The following SMARCA2 variants were observed in gnomAD, a reference collection of about 807,000 sequenced individuals.
SMARCA2 encodes the protein SWI/SNF related BAF chromatin remodeling complex subunit ATPase 2, also known as SWI/SNF-related matrix-associated actin-dependent regulator of chromatin subfamily A member 2.
Under a neutral mutation model 199.8 loss-of-function variants are expected in SMARCA2, and 61 were observed. The ratio of observed to expected loss-of-function variants is 0.31; its 90% CI spans 0.25 to 0.38. The LOEUF is 0.38. Ranked by LOEUF, SMARCA2 falls within the 10% of genes least tolerant of loss-of-function variation. The pLI is 1.00. For synonymous variants in SMARCA2, 935 were observed against 732.0 expected (o/e 1.28, Z -4.48); for missense variants, 1,344 against 2,012.2 (o/e 0.67, Z 6.35).
Position 2,110,459 on chromosome 9 carries a change from A to T in SMARCA2, c.3456+42A>T. ...CAGGTGCCCAGGCCTCCCTCTGGAG[A>T]GCAACTAAAAGATGATCAGTTTCAT... On this transcript the variant is annotated intron_variant, in intron 24 of 33. Transcript: ENST00000349721. This position sits in a 1 kb window ranked among gnomAD's most constrained non-coding sequence, Gnocchi z 4.8. The T allele has an allele frequency of 6.8e-7, 1 of 1,461,398 alleles. No homozygotes were observed. The highest frequency in any genetic ancestry group is 1.3e-5 in the South Asian group (1 of 74,848). The allele number at this position is 1,461,398 out of a possible 1,614,324, so 90.5% of individuals were successfully genotyped here. A position where few individuals can be genotyped will look rare whatever the true frequency, so the allele number is the denominator to read the frequency against.
chr9:2,101,165 T>C (rs1340579169), intron 21 of SMARCA2, among the ~76,000 whole-genome samples: 1 of 152,124 alleles, frequency 6.6e-6, no homozygotes, highest in African/African-American at 2.4e-5. Context: ...CTATCACATA[T>C]ATTTATATAT....
intron 8 of SMARCA2, among the ~76,000 whole-genome samples, chr9:2,059,317 TAC>T (rs2130356305): frequency 6.6e-6 from 1 of 152,278 alleles, no homozygotes; most frequent in South Asian, 2.1e-4. Context: ...TGGCTGGTAT[TAC>T]AGTTTGCATT....
In SMARCA2 at chr9:2,186,247, G is replaced by A. The variant is rs1827445839; in HGVS notation, c.4594+19G>A. 1.2e-6 allele frequency: 2 copies of A among 1,607,854 alleles called. No individual in the cohort carries two copies. The highest frequency in any genetic ancestry group is 1.3e-5 in the African/African-American group (1 of 74,810). ...TCCGAGGGTAAGCCCAGACATTCGG[G>A]TCCTGTACATCTTTGCCCCTCCTCA... On this transcript the variant is annotated intron_variant, in intron 32 of 33. Coordinates refer to ENST00000349721, the MANE Select transcript of SMARCA2 (RefSeq NM_003070.5).
intron 25 of SMARCA2, among the ~76,000 whole-genome samples, chr9:2,118,837 G>T (rs1222025523): frequency 6.6e-6 from 1 of 151,984 alleles, no homozygotes; most frequent in Non-Finnish European, 1.5e-5. Context: ...ATAATTTTGA[G>T]GTTTTTTTTG....
intron 27 of SMARCA2, among the ~76,000 whole-genome samples, chr9:2,157,044 C>T (rs1034779481): frequency 2.0e-5 from 3 of 152,136 alleles, no homozygotes; most frequent in Non-Finnish European, 4.4e-5. Flanking sequence ...CTGTCCAAAG[C>T]CCTGAGTCTG....
At chr9:2,171,622 T>G (rs976767031) in intron 29 of SMARCA2, among the ~76,000 whole-genome samples, 7 of 152,356 alleles carry the variant, frequency 4.6e-5, no homozygotes, top group African/African-American at 2.4e-5. Context: ...GTTCTGTATT[T>G]GCCATTATGA....
intron 21 of SMARCA2, among the ~76,000 whole-genome samples, 153 bp from the exon 22 acceptor site, chr9:2,101,417 T>C (rs1822508700): frequency 6.6e-6 from 1 of 152,170 alleles, no homozygotes; most frequent in South Asian, 2.1e-4. Flanking sequence ...ATATACTGAA[T>C]TTCTGGTTCA....
chr9:2,185,824 T>C (rs1827401659), intron 31 of SMARCA2, among the ~76,000 whole-genome samples: 1 of 152,218 alleles, frequency 6.6e-6, no homozygotes, highest in Non-Finnish European at 1.5e-5. Flanking sequence ...ACCATTTTTG[T>C]TGTCCAATAT....
At chr9:2,028,469 G>T (rs1317280635) in intron 1 of SMARCA2, among the ~76,000 whole-genome samples, 1 of 152,064 alleles carries the variant, frequency 6.6e-6, no homozygotes, top group African/African-American at 2.4e-5. Context: ...TTCATGATTG[G>T]GACTTCTCTT....
At chr9:2,097,103 G>A (rs1464687467) in intron 20 of SMARCA2, 2 of 481,812 alleles carry the variant, frequency 4.2e-6, no homozygotes, top group Non-Finnish European at 7.4e-6. Flanking sequence ...TCTGTGTTCC[G>A]GAGTCCTACG....
chr9:2,056,528 A>G lies in SMARCA2; in HGVS notation c.1174-144A>G. 1 of 654,078 alleles carries G rather than the reference A, an allele frequency of 1.5e-6. No individual in the cohort carries two copies. Among genetic ancestry groups the G allele is most frequent in the Non-Finnish European group, 2.5e-6 (1 of 399,230 alleles). The allele number at this position is 654,078 out of a possible 1,614,324, so 40.5% of individuals were successfully genotyped here. A position where few individuals can be genotyped will look rare whatever the true frequency, so the allele number is the denominator to read the frequency against. The stretch of plus-strand genomic sequence containing the variant: ...CATTTGGCATGATTTTAGTTCCTTC[A>G]TTTAATACAAACCAAAGGTGATTGA... On this transcript the variant is annotated intron_variant, in intron 6 of 33. Coordinates refer to ENST00000349721, the MANE Select transcript of SMARCA2 (RefSeq NM_003070.5). This position sits in a 1 kb window ranked among gnomAD's most constrained non-coding sequence, Gnocchi z 4.0.
intron 27 of SMARCA2, among the ~76,000 whole-genome samples, chr9:2,148,950 G>GT (rs1464133215): frequency 2.0e-4 from 30 of 151,654 alleles, no homozygotes; most frequent in African/African-American, 7.2e-4. Context: ...TTTCAGCCAT[G>GT]TATTACCAGC....
intron 19 of SMARCA2, among the ~76,000 whole-genome samples, chr9:2,095,602 T>A (rs953548553): frequency 6.6e-6 from 1 of 152,228 alleles, no homozygotes; most frequent in Non-Finnish European, 1.5e-5. Context: ...GGCTTTTCTC[T>A]AATCTCATTT....
At chr9:2,149,764 T>G (rs1241374151) in intron 27 of SMARCA2, among the ~76,000 whole-genome samples, 2 of 151,678 alleles carry the variant, frequency 1.3e-5, no homozygotes, top group African/African-American at 2.4e-5. Flanking sequence ...CTTTAGAGAT[T>G]CATTTTAAAG....
chr9:2,070,584 G>T (rs1176983996), intron 10 of SMARCA2, 113 bp downstream of exon 10: 5 of 708,120 alleles, frequency 7.1e-6, no homozygotes, highest in Non-Finnish European at 1.2e-5. Flanking sequence ...TTTATTTTAA[G>T]TAAAAATAGT....
chr9:2,059,863 C>G (rs932704963), intron 8 of SMARCA2, among the ~76,000 whole-genome samples: 3 of 152,074 alleles, frequency 2.0e-5, no homozygotes, highest in Non-Finnish European at 2.9e-5. Flanking sequence ...GATTTTGCAG[C>G]TTGCTCCTTT....
chr9:2,158,878 A>C, intron 27 of SMARCA2: 1 of 1,513,702 alleles, frequency 6.6e-7, no homozygotes. Context: ...ACAGAACATA[A>C]AGCACTGCAT....
At chr9:2,105,721 T>G (rs777192632) in intron 23 of SMARCA2, among the ~76,000 whole-genome samples, 4 of 152,204 alleles carry the variant, frequency 2.6e-5, no homozygotes, top group African/African-American at 7.2e-5. Context: ...AGTGGAAAAT[T>G]CGGCACTCTT....
intron 1 of SMARCA2, among the ~76,000 whole-genome samples, chr9:2,022,718 G>C (rs1470970276): frequency 6.6e-6 from 1 of 152,204 alleles, no homozygotes; most frequent in Admixed American, 6.5e-5. Flanking sequence ...GGAAGTGGCT[G>C]TTGTTGATTC....
Sources: allele counts gnomAD v4.1 joint callset (sites outside exome capture counted in the v4.1 genomes callset), GRCh38; gene constraint gnomAD v4.1.1; non-coding constraint Gnocchi (gnomAD v3.1); transcripts MANE v1.5; gene names NCBI Gene and HGNC (gene_info 2026-07-23, HGNC 2026-07-21).